The following CADM2 variants were observed in gnomAD, a reference collection of about 807,000 sequenced individuals.
The protein encoded by CADM2 is cell adhesion molecule 2, also known as immunoglobulin superfamily member 4D.
A neutral mutation model predicts 49.8 loss-of-function variants in CADM2; 12 were observed. The observed-to-expected ratio is 0.24, with a 90% CI of 0.15 to 0.39. The LOEUF (loss-of-function observed/expected upper bound fraction) is 0.39, where lower values mean the gene tolerates loss of function less well. Among genes scored for constraint, CADM2 ranks in the 10% least tolerant of loss-of-function variants. CADM2 has a pLI of 1.00. For synonymous variants in CADM2, 214 were observed against 175.4 expected (o/e 1.22, Z -1.74); for missense variants, 378 against 492.3 (o/e 0.77, Z 2.20).
chr3:85,880,254 C>T (rs1223365079), intron 3 of CADM2, among the ~76,000 whole-genome samples: 4 of 152,230 alleles, frequency 2.6e-5, no homozygotes, highest in Non-Finnish European at 1.5e-5. Flanking sequence ...GGTATCTTTG[C>T]CCTATCCACT....
intron 1 of CADM2, among the ~76,000 whole-genome samples, chr3:85,366,474 C>A (rs2032794035): frequency 2.6e-5 from 4 of 152,074 alleles, no homozygotes; most frequent in African/African-American, 7.2e-5. Flanking sequence ...ACAATGCAGT[C>A]AGAATGTTGT....
At chr3:85,226,605 T>G (rs1413733781) in intron 1 of CADM2, among the ~76,000 whole-genome samples, 2 of 152,016 alleles carry the variant, frequency 1.3e-5, no homozygotes, top group African/African-American at 2.4e-5. Flanking sequence ...GAGTTTTTTT[T>G]TTTGTGTGTG....
intron 1 of CADM2, among the ~76,000 whole-genome samples, chr3:85,175,663 G>A (rs1210976247): frequency 6.6e-6 from 1 of 152,112 alleles, no homozygotes; most frequent in Non-Finnish European, 1.5e-5. Flanking sequence ...TTCTGGAAAT[G>A]AATGGTGGTG....
intron 2 of CADM2, among the ~76,000 whole-genome samples, chr3:85,790,060 T>C (rs13085840): frequency 0.14 from 21,937 of 152,156 alleles, 2,012 homozygotes; most frequent in Non-Finnish European, 0.2. Flanking sequence ...ATATTGTAAA[T>C]TAAGAAAAAC....
intron 1 of CADM2, among the ~76,000 whole-genome samples, chr3:85,511,086 A>G (rs1239679731): frequency 6.6e-6 from 1 of 152,038 alleles, no homozygotes; most frequent in Non-Finnish European, 1.5e-5. Context: ...GACCTTTCGA[A>G]TGCCTACCCT....
chr3:85,050,648 G>A (rs575127802), intron 1 of CADM2, among the ~76,000 whole-genome samples: 56 of 152,270 alleles, frequency 3.7e-4, no homozygotes, highest in Non-Finnish European at 5.3e-4. Flanking sequence ...TCTGTAGGTA[G>A]CAGATGCATT....
At chr3:85,828,488 C>T (rs1001076297) in intron 3 of CADM2, among the ~76,000 whole-genome samples, 8 of 151,920 alleles carry the variant, frequency 5.3e-5, no homozygotes, top group Non-Finnish European at 1.0e-4. Context: ...ACATATATTA[C>T]GTATGACCAG....
intron 1 of CADM2, among the ~76,000 whole-genome samples, chr3:84,979,500 T>C (rs1486598250): frequency 1.3e-5 from 2 of 152,186 alleles, no homozygotes; most frequent in South Asian, 2.1e-4. Context: ...ACTAGAGTTA[T>C]TGAGTAACTA....
At chr3:86,045,966 C>T (rs890369832) in intron 8 of CADM2, among the ~76,000 whole-genome samples, 1 of 152,102 alleles carries the variant, frequency 6.6e-6, no homozygotes, top group Non-Finnish European at 1.5e-5. Context: ...TTAGCATAGC[C>T]TCATTTTTAA....
intron 1 of CADM2, among the ~76,000 whole-genome samples, chr3:85,044,256 A>G (rs1489296664): frequency 6.6e-6 from 1 of 152,154 alleles, no homozygotes; most frequent in African/African-American, 2.4e-5. Flanking sequence ...AGTTGGCCAA[A>G]ACTGTACTGA....
chr3:85,637,255 A>AT (rs964940820), intron 1 of CADM2, among the ~76,000 whole-genome samples: 3 of 152,156 alleles, frequency 2.0e-5, no homozygotes, highest in African/African-American at 7.2e-5. Flanking sequence ...ATTTAATTGA[A>AT]TTTTTTTCTT....
intron 1 of CADM2, among the ~76,000 whole-genome samples, chr3:85,119,229 T>C (rs1176098080): frequency 6.6e-6 from 1 of 152,130 alleles, no homozygotes; most frequent in Non-Finnish European, 1.5e-5. Flanking sequence ...TTGGGCAACA[T>C]GGTGAAACCC....
At chr3:85,426,527 G>C (rs951289512) in intron 1 of CADM2, among the ~76,000 whole-genome samples, 1 of 151,678 alleles carries the variant, frequency 6.6e-6, no homozygotes, top group Admixed American at 6.6e-5. Context: ...ATATATTTAC[G>C]GGGTGCATGA....
intron 7 of CADM2, among the ~76,000 whole-genome samples, chr3:85,954,940 G>A (rs888118225): frequency 8.6e-5 from 13 of 150,910 alleles, no homozygotes; most frequent in Admixed American, 4.7e-4. Flanking sequence ...AAATAGAGAG[G>A]GATTAAGTTT....
chr3:85,191,482 C>G (rs376851237), intron 1 of CADM2, among the ~76,000 whole-genome samples: 1 of 151,446 alleles, frequency 6.6e-6, no homozygotes, highest in African/African-American at 2.4e-5. Context: ...TGTTATAATC[C>G]CCACTTTTAG....
chr3:85,760,668 C>A (rs1489702897), intron 2 of CADM2, among the ~76,000 whole-genome samples: 1 of 152,048 alleles, frequency 6.6e-6, no homozygotes, highest in Non-Finnish European at 1.5e-5. Context: ...CACAAGGTAG[C>A]TGATAAGTTT....
intron 8 of CADM2, among the ~76,000 whole-genome samples, chr3:86,009,825 T>C (rs1301961264): frequency 1.3e-5 from 2 of 151,904 alleles, no homozygotes; most frequent in East Asian, 3.9e-4. Context: ...ATTGTGTATA[T>C]ACAACATGAT....
intron 8 of CADM2, among the ~76,000 whole-genome samples, chr3:86,038,469 A>G (rs1735446713): frequency 1.3e-5 from 2 of 152,282 alleles, no homozygotes; most frequent in South Asian, 2.1e-4. Flanking sequence ...CTTGCCCTCT[A>G]AACTCCAATT....
At chr3:85,673,113 G>T (rs1407522785) in intron 1 of CADM2, among the ~76,000 whole-genome samples, 2 of 152,078 alleles carry the variant, frequency 1.3e-5, no homozygotes, top group African/African-American at 4.8e-5. Flanking sequence ...TCTGTCTTCT[G>T]ACCTAAGGAC....
Sources: gnomAD v4.1 joint callset for allele counts (sites outside exome capture counted in the v4.1 genomes callset) on GRCh38, gnomAD v4.1.1 for gene constraint, MANE v1.5 for transcripts, NCBI Gene and HGNC (gene_info 2026-07-23, HGNC 2026-07-21) for gene names.